SAAL1: variants seen among roughly 807,000 people sequenced by gnomAD.
SAAL1 encodes the protein protein SAAL1.
A neutral mutation model predicts 59.8 loss-of-function variants in SAAL1; 42 were observed. The observed-to-expected ratio is 0.70, with a 90% CI of 0.55 to 0.91. The LOEUF (loss-of-function observed/expected upper bound fraction) is 0.91. Among genes scored for constraint, SAAL1 ranks in the 40% least tolerant of loss-of-function variants. SAAL1 has a pLI of 0.00. For missense variants in SAAL1, 542 were observed against 561.1 expected (o/e 0.97, Z 0.34); for synonymous variants, 191 against 194.3 (o/e 0.98, Z 0.14).
chr11:18,083,343 TC>T, intron 10 of SAAL1, 191 bp downstream of exon 10: 1 of 434,028 alleles, frequency 2.3e-6, no homozygotes, highest in East Asian at 3.5e-5. Context: ...TAGGCATATG[TC>T]TGTCACACGT....
chr11:18,091,540 A>C (rs1022392143), intron 4 of SAAL1, among the ~76,000 whole-genome samples: 1 of 152,196 alleles, frequency 6.6e-6, no homozygotes, highest in Non-Finnish European at 1.5e-5. Context: ...TAAAACCCTC[A>C]TGGCCCCAGC....
intron 3 of SAAL1, among the ~76,000 whole-genome samples, chr11:18,092,961 A>G (rs1407714375): frequency 6.6e-6 from 1 of 152,218 alleles, no homozygotes; most frequent in Non-Finnish European, 1.5e-5. Flanking sequence ...ACCTTGGTAT[A>G]AAAGTACTAA....
In SAAL1 at chr11:18,106,008, G is replaced by T; in HGVS notation, c.34C>A (p.Arg12Ser). ...ACCTCCTCCTCCTCCTCCTTGTCGCGACCCGGCGGCGGCGGCGAGGGGTTG... is the reference window on the plus strand; with the variant it reads ...ACCTCCTCCTCCTCCTCCTTGTCGCTACCCGGCGGCGGCGGCGAGGGGTTG... The part of the protein sequence containing the change: ...DRNPSPPPPG[R>S]DKEEEEEVAG... Residue 12 changes from arginine to serine, a missense_variant, in exon 1 of 12, where the codon CGC becomes AGC. Arg to Ser is a moderately radical substitution (Grantham distance 110). Transcript: ENST00000524803. 6.3e-7 allele frequency: 1 copy of T among 1,596,368 alleles called. No homozygotes were observed. The highest frequency in any genetic ancestry group is 8.5e-7 in the Non-Finnish European group (1 of 1,170,086).
chr11:18,090,473 A>C lies in SAAL1; in HGVS notation c.434T>G (p.Leu145Trp), dbSNP rs1320461637. The stretch of plus-strand genomic sequence containing the variant: ...CAGAGTAGGTGGGTCTGAATCATAC[A>C]AACAGTGCAATAACACCTGCCTACA... ...KNLGQVLLHC[L>W]YDSDPPTLLE... The change falls in exon 5 of 12, where the codon TTG (leucine) becomes TGG (tryptophan). Residue 145 changes from leucine to tryptophan, a missense_variant. Leu to Trp is a moderately conservative substitution (Grantham distance 61, BLOSUM62 -2). Transcript: ENST00000524803. The C allele has an allele frequency of 2.5e-6, 4 of 1,608,780 alleles. No homozygotes were observed. Among genetic ancestry groups the C allele is most frequent in the South Asian group, 2.2e-5 (2 of 89,492 alleles).
chr11:18,103,176 A>C (rs1012571918), intron 2 of SAAL1, 57 bp downstream of exon 2: 2 of 1,177,268 alleles, frequency 1.7e-6, no homozygotes, highest in Non-Finnish European at 2.6e-6. Flanking sequence ...TTTTTAAAAC[A>C]TTCATTCACC....
intron 10 of SAAL1, among the ~76,000 whole-genome samples, chr11:18,082,547 A>T (rs12290775): frequency 0.022 from 3,397 of 152,214 alleles, 146 homozygotes; most frequent in African/African-American, 0.079. Context: ...CTAAGGTAAT[A>T]ACCCCAAATC....
intron 3 of SAAL1, among the ~76,000 whole-genome samples, chr11:18,094,913 G>A (rs539226611): frequency 6.2e-4 from 94 of 152,278 alleles, no homozygotes; most frequent in African/African-American, 2.2e-3. Context: ...GGAATCACCT[G>A]GGGAACTTTA....
At chr11:18,094,083 A>T (rs1383208763) in intron 3 of SAAL1, 1 of 152,230 alleles carries the variant, frequency 6.6e-6, no homozygotes, top group Non-Finnish European at 1.5e-5. Flanking sequence ...TCCAAATCTC[A>T]TCTCAGATCT....
chr11:18,099,729 A>G (rs956628048), intron 2 of SAAL1, among the ~76,000 whole-genome samples: 13 of 53,378 alleles, frequency 2.4e-4, no homozygotes, highest in South Asian at 1.7e-3. Flanking sequence ...GTGACATTGA[A>G]GCCGGGCCAT....
chr11:18,098,319 A>G (rs999195916), intron 2 of SAAL1, among the ~76,000 whole-genome samples: 6 of 152,200 alleles, frequency 3.9e-5, no homozygotes, highest in Admixed American at 2.6e-4. Context: ...ACTTCTTCCT[A>G]CAGAGTCTGC....
intron 9 of SAAL1, 131 bp downstream of exon 9, chr11:18,086,735 A>G: frequency 2.1e-6 from 1 of 473,588 alleles, no homozygotes; most frequent in Non-Finnish European, 3.5e-6. Flanking sequence ...TAAAATAAAT[A>G]AATATGATAA....
In SAAL1 at chr11:18,106,007, C is replaced by G; in HGVS notation, c.35G>C (p.Arg12Pro). 6.2e-7 allele frequency: 1 copy of G among 1,605,436 alleles called. No individual in the cohort carries two copies. The highest frequency in any genetic ancestry group is 8.5e-7 in the Non-Finnish European group (1 of 1,176,602). ...CACCTCCTCCTCCTCCTCCTTGTCG[C>G]GACCCGGCGGCGGCGGCGAGGGGTT... Reference protein sequence around the residue: ...DRNPSPPPPGRDKEEEEEVAG... With the variant: ...DRNPSPPPPGPDKEEEEEVAG... Residue 12 changes from arginine (R) to proline (P), a missense_variant, in exon 1 of 12, where the codon CGC becomes CCC. By Grantham distance (103) the Arg-to-Pro change is moderately radical. Coordinates refer to ENST00000524803, the MANE Select transcript of SAAL1 (RefSeq NM_138421.3).
At chr11:18,092,434 G>A in intron 3 of SAAL1, 110 bp from the exon 4 acceptor site, 1 of 715,140 alleles carries the variant, frequency 1.4e-6, no homozygotes, top group African/African-American at 1.8e-5. Flanking sequence ...GCAAGGCGGA[G>A]GGGAGGCAGG....
intron 3 of SAAL1, among the ~76,000 whole-genome samples, chr11:18,094,970 T>A (rs1007698262): frequency 6.6e-6 from 1 of 152,212 alleles, no homozygotes; most frequent in Non-Finnish European, 1.5e-5. Flanking sequence ...TTAACTCATC[T>A]AGGGTATGGC....
chr11:18,084,620 C>G (rs1848443535), intron 9 of SAAL1, among the ~76,000 whole-genome samples: 1 of 152,200 alleles, frequency 6.6e-6, no homozygotes, highest in African/African-American at 2.4e-5. Context: ...TCCATTCTGT[C>G]CCTAAGGACT....
intron 6 of SAAL1, among the ~76,000 whole-genome samples, chr11:18,089,961 T>C (rs1848504831): frequency 6.6e-6 from 1 of 152,074 alleles, no homozygotes; most frequent in Admixed American, 6.5e-5. Flanking sequence ...AACAGAAGGA[T>C]ACCTTGAGAT....
At chr11:18,093,250 A>T (rs556409481) in intron 3 of SAAL1, among the ~76,000 whole-genome samples, 15 of 152,294 alleles carry the variant, frequency 9.8e-5, no homozygotes, top group African/African-American at 3.6e-4. Flanking sequence ...TGGATATGCC[A>T]AGGAGCCGCC....
rs1848460741 is a variant in SAAL1 at position 18,086,070 on chromosome 11, G to A, written c.1042+796C>T. On this transcript the variant is annotated intron_variant, in intron 9 of 11. Transcript: ENST00000524803. ...GAATTAAATATATGTGCATGTGTGG[G>A]ATGGTAAGATTACAAACATCATGTT... Among the ~76,000 whole-genome samples, 3 of 152,180 alleles carry A rather than the reference G, an allele frequency of 2.0e-5. No homozygotes were observed. In the South Asian group the frequency reaches 6.2e-4, roughly 31 times the overall value.
At chr11:18,083,014 T>C (rs182939405) in intron 10 of SAAL1, among the ~76,000 whole-genome samples, 1 of 152,218 alleles carries the variant, frequency 6.6e-6, no homozygotes, top group African/African-American at 2.4e-5. Context: ...ATATTCATAA[T>C]ACAATATATT....
Sources: allele counts gnomAD v4.1 joint callset (sites outside exome capture counted in the v4.1 genomes callset), GRCh38; gene constraint gnomAD v4.1.1; transcripts MANE v1.5; gene names NCBI Gene and HGNC (gene_info 2026-07-23, HGNC 2026-07-21).